Variants in SETD6 observed in about 807,000 individuals in gnomAD.
SETD6 encodes the protein N-lysine methyltransferase SETD6.
Under a neutral mutation model 52.7 loss-of-function variants are expected in SETD6, and 67 were observed. The observed-to-expected ratio is 1.27, with a 90% CI of 1.04 to 1.56. The LOEUF (loss-of-function observed/expected upper bound fraction) is 1.56, where lower values mean the gene tolerates loss of function less well. Among genes scored for constraint, SETD6 ranks in the 40% most tolerant of loss-of-function variants. The pLI is 0.00. For synonymous variants in SETD6, 307 were observed against 250.2 expected, an observed-to-expected ratio of 1.23 and a Z score of -2.14; for missense variants, 712 against 607.5, an observed-to-expected ratio of 1.17 and a Z score of -1.81.
chr16:58,516,711 T>C, intron 4 of SETD6, 39 bp downstream of exon 4: 1 of 1,609,636 alleles, frequency 6.2e-7, no homozygotes, highest in Non-Finnish European at 8.5e-7. Flanking sequence ...ACCCTTTTCT[T>C]TACAACTCTA....
chr16:58,521,971 T>C lies in SETD6; in HGVS notation c.*2942T>C, dbSNP rs944558073. On this transcript the variant is annotated 3_prime_UTR_variant, in exon 8 of 8. Coordinates refer to ENST00000219315, the MANE Select transcript of SETD6 (RefSeq NM_001160305.4). Reference sequence around the variant, plus strand: ...GTCTCAAATAAACAGATAAATTAAATAAATAAATAAGCTCACTCTCAATAA... The same window carrying C: ...GTCTCAAATAAACAGATAAATTAAACAAATAAATAAGCTCACTCTCAATAA... Among the ~76,000 whole-genome samples the C allele has an allele frequency of 6.6e-6, 1 of 151,334 alleles. No individual in the cohort carries two copies. Among genetic ancestry groups the C allele is most frequent in the Non-Finnish European group, 1.5e-5 (1 of 67,920 alleles).
In SETD6 at chr16:58,516,816, A is replaced by T; in HGVS notation, c.680A>T (p.Glu227Val). Residue 227 changes from glutamate (E) to valine (V), a missense_variant, in exon 5 of 8, where the codon GAA becomes GTA. By Grantham distance (121) the Glu-to-Val change is moderately radical. Transcript: ENST00000219315. ...VALVMAYSFQ[E>V]PLEEEEDEKE... ...GGTTCTGTCAATGGCAGCTTTCAGG[A>T]ACCACTGGAGGAAGAAGAGGATGAA... 1 of 1,614,194 alleles carries T rather than the reference A, an allele frequency of 6.2e-7. No individual in the cohort carries two copies. The highest frequency in any genetic ancestry group is 1.1e-5 in the South Asian group (1 of 91,082).
At chr16:58,518,029 C>T in intron 5 of SETD6, 22 bp from the exon 6 acceptor site, 2 of 1,614,090 alleles carry the variant, frequency 1.2e-6, no homozygotes, top group Non-Finnish European at 8.5e-7. Flanking sequence ...GGCATGGCCC[C>T]AGCTTCTCCC....
In SETD6 at chr16:58,515,542, C is replaced by T. The variant is rs1221464056; in HGVS notation, c.5C>T (p.Ala2Val). MATQAKRPRVAG... is the reference protein window; with the variant it reads MVTQAKRPRVAG... ...GAGGAAACGCGCTCTTAGACCATGGCGACCCAGGCGAAGCGTCCACGGGTG... is the reference window on the plus strand; with the variant it reads ...GAGGAAACGCGCTCTTAGACCATGGTGACCCAGGCGAAGCGTCCACGGGTG... Residue 2 changes from alanine (A) to valine (V), a missense_variant, in exon 1 of 8, where the codon GCG becomes GTG. Ala to Val is a moderately conservative substitution (Grantham distance 64). Coordinates refer to ENST00000219315, the MANE Select transcript of SETD6 (RefSeq NM_001160305.4). The T allele has an allele frequency of 4.4e-6, 7 of 1,587,730 alleles. No homozygotes were observed. The highest frequency in any genetic ancestry group is 1.7e-5 in the Admixed American group (1 of 58,090).
At chr16:58,515,734 C>T in intron 1 of SETD6, 57 bp from the exon 2 acceptor site, 3 of 1,418,940 alleles carry the variant, frequency 2.1e-6, no homozygotes, top group South Asian at 1.5e-5. Context: ...CGGTCTCCTG[C>T]AGTTCCCAGC....
Position 58,516,311 on chromosome 16 carries a change from C to T in SETD6, c.444C>T (p.Pro148=), listed in dbSNP as rs764124210. The part of the protein sequence containing the change: ...SRWRPYFALW[P]ELGRLEHPMF... ...GGAGGCCCTACTTTGCGCTCTGGCC[C>T]GAGCTGGGCCGCTTGGAGCACCCGA... The change falls in exon 3 of 8, where the codon CCC becomes CCT. Residue 148 remains proline (P), a synonymous_variant. Coordinates refer to ENST00000219315, the MANE Select transcript of SETD6 (RefSeq NM_001160305.4). The T allele has an allele frequency of 1.5e-5, 24 of 1,607,076 alleles. No homozygotes were observed. The highest frequency in any genetic ancestry group is 2.0e-5 in the Non-Finnish European group (24 of 1,179,874).
chr16:58,518,437 A>C lies in SETD6; in HGVS notation c.1010A>C (p.Glu337Ala), dbSNP rs1430761655. Residue 337 changes from glutamate to alanine, a missense_variant, in exon 7 of 8, where the codon GAG (glutamate) becomes GCG (alanine). Transcript: ENST00000219315. ...GAAGCTGAAAGGCACCTAGTGTACGAGCGCTGGGATTTCCTATGCAAACTG... is the reference window on the plus strand; with the variant it reads ...GAAGCTGAAAGGCACCTAGTGTACGCGCGCTGGGATTTCCTATGCAAACTG... ...KTEAERHLVY[E>A]RWDFLCKLEM... 1 of 1,586,090 alleles carries C rather than the reference A, an allele frequency of 6.3e-7. No individual in the cohort carries two copies. Among genetic ancestry groups the C allele is most frequent in the Non-Finnish European group, 8.5e-7 (1 of 1,173,056 alleles).
rs1233455241 is a variant in SETD6, at chr16:58,515,524, C to T, written c.-14C>T. Reference sequence around the variant, plus strand: ...CGCGGTGCGCCGGCCCGCGAGGAAACGCGCTCTTAGACCATGGCGACCCAG... The same window carrying T: ...CGCGGTGCGCCGGCCCGCGAGGAAATGCGCTCTTAGACCATGGCGACCCAG... On this transcript the variant is annotated 5_prime_UTR_variant, in exon 1 of 8. It adds an upstream start codon to the 5' untranslated region. Coordinates refer to ENST00000219315, the MANE Select transcript of SETD6 (RefSeq NM_001160305.4). 1.3e-6 allele frequency: 2 copies of T among 1,582,626 alleles called. No individual in the cohort carries two copies. The highest frequency in any genetic ancestry group is 2.8e-5 in the African/African-American group (2 of 72,726).
In SETD6 at chr16:58,522,530, T is replaced by TTTAAG. The variant is rs1332252786; in HGVS notation, c.*3502_*3506dup. 6.6e-6 allele frequency among the ~76,000 whole-genome samples: 1 copy of TTTAAG among 151,508 alleles called. No individual in the cohort carries two copies. The highest frequency in any genetic ancestry group is 2.4e-5 in the African/African-American group (1 of 41,034). On this transcript the variant is annotated 3_prime_UTR_variant, in exon 8 of 8. Coordinates refer to ENST00000219315, the MANE Select transcript of SETD6 (RefSeq NM_001160305.4). ...TGACTAATTAGGCAAATGAGCAAGT[T>TTTAAG]TTAAGAGTCTGGCCCAATTTTTAAA... is the stretch of plus-strand genomic sequence containing the variant.
rs891468939 is a variant in SETD6 at position 58,519,267 on chromosome 16, G to C, written c.*238G>C. On this transcript the variant is annotated 3_prime_UTR_variant, in exon 8 of 8. Coordinates refer to ENST00000219315, the MANE Select transcript of SETD6 (RefSeq NM_001160305.4). The stretch of plus-strand genomic sequence containing the variant: ...ACTTAAAGCATGTTACAGATGTTTT[G>C]TTCTCAGTTTTAACCAAAGCCAGTG... 4.0e-5 allele frequency: 19 copies of C among 475,732 alleles called. No individual in the cohort carries two copies. Among genetic ancestry groups the C allele is most frequent in the Non-Finnish European group, 7.1e-5 (19 of 268,294 alleles). 29.5% of individuals were successfully genotyped at this position (475,732 alleles called of 1,614,324 possible).
rs200320572 is a variant in SETD6 at position 58,518,410 on chromosome 16, CTG to C, written c.984_985del (p.Glu329SerfsTer2). The C allele has an allele frequency of 8.5e-5, 135 of 1,580,782 alleles. No homozygotes were observed. The East Asian group carries it at 2.3e-3, about 27-fold the overall frequency. On this transcript the variant is annotated frameshift_variant, in exon 7 of 8. Transcript: ENST00000219315. LOFTEE classifies it high-confidence loss of function. ...GCTGTTTCATCTACAGGAACAAAAA[CTG>C]AAGCTGAAAGGCACCTAGTGTACGA...
Position 58,523,214 on chromosome 16 carries a change from C to T in SETD6, c.*4185C>T. 1 of 675,474 alleles carries T rather than the reference C, an allele frequency of 1.5e-6. No homozygotes were observed. Among genetic ancestry groups the T allele is most frequent in the Non-Finnish European group, 2.3e-6 (1 of 439,812 alleles). 41.8% of individuals were successfully genotyped at this position (675,474 alleles called of 1,614,324 possible). Reference sequence around the variant, plus strand: ...GAGCCAAGATGGCGCCACTGTACTGCAGACTGAGTGACAGAGCAACACTCC... The same window carrying T: ...GAGCCAAGATGGCGCCACTGTACTGTAGACTGAGTGACAGAGCAACACTCC... On this transcript the variant is annotated 3_prime_UTR_variant, in exon 8 of 8. Transcript: ENST00000219315.
chr16:58,518,919 C>G lies in SETD6; in HGVS notation c.1312C>G (p.Leu438Val), dbSNP rs147924580. 564 of 1,614,174 alleles carry G rather than the reference C, an allele frequency of 3.5e-4. 8 individuals are homozygous for G. In the African/African-American group the frequency reaches 6.8e-3, roughly 20 times the overall value. The part of the protein sequence containing the change: ...ATDLKTDQGL[L>V]SNKEVYAKLS... ...AGACTTAAAAACTGACCAAGGTTTA[C>G]TCAGTAATAAGGAAGTCTATGCGAA... Residue 438 changes from leucine (L) to valine (V), a missense_variant, in exon 8 of 8, where the codon CTC (leucine) becomes GTC (valine). Coordinates refer to ENST00000219315, the MANE Select transcript of SETD6 (RefSeq NM_001160305.4).
intron 2 of SETD6, 52 bp from the exon 3 acceptor site, chr16:58,516,150 G>C (rs1597375173): frequency 1.6e-6 from 2 of 1,282,224 alleles, no homozygotes; most frequent in African/African-American, 1.6e-5. Flanking sequence ...GGGGCGGGGC[G>C]GGCCCGGCCC....
At position 58,520,734 on chromosome 16, in the gene SETD6, T is replaced by G; in HGVS notation, c.*1705T>G. 1 of 564,148 alleles carries G rather than the reference T, an allele frequency of 1.8e-6. No homozygotes were observed. Among genetic ancestry groups the G allele is most frequent in the Non-Finnish European group, 3.2e-6 (1 of 315,300 alleles). The allele number at this position is 564,148 out of a possible 1,614,324, so 34.9% of individuals were successfully genotyped here. On this transcript the variant is annotated 3_prime_UTR_variant, in exon 8 of 8. Transcript: ENST00000219315. The stretch of plus-strand genomic sequence containing the variant: ...TATTTACACAAGTTCAAAATGATAT[T>G]CACAGCATCTTCTAAATTTTGGCCA...
chr16:58,517,603 T>G (rs1344957240), intron 5 of SETD6: 2 of 196,264 alleles, frequency 1.0e-5, no homozygotes, highest in Non-Finnish European at 2.1e-5. Context: ...GCCTCCCGAG[T>G]AGTTGGAATT....
rs899436674 is a variant in SETD6, at chr16:58,520,555, G to A, written c.*1526G>A. On this transcript the variant is annotated 3_prime_UTR_variant, in exon 8 of 8. Coordinates refer to ENST00000219315, the MANE Select transcript of SETD6 (RefSeq NM_001160305.4). ...CAAACTGGCTTTTTGCTATTCTTTG[G>A]GACACCAGGAATGTCAGAAGACATG... 2 of 184,100 alleles carry A rather than the reference G, an allele frequency of 1.1e-5. No homozygotes were observed. The highest frequency in any genetic ancestry group is 2.3e-5 in the African/African-American group (1 of 42,648). The allele number at this position is 184,100 out of a possible 1,614,324, so 11.4% of individuals were successfully genotyped here. A position where few individuals can be genotyped will look rare whatever the true frequency, so the allele number is the denominator to read the frequency against.
rs1244081138 is a variant in SETD6 at position 58,520,111 on chromosome 16, T to G, written c.*1082T>G. 2 of 152,208 alleles carry G rather than the reference T, an allele frequency of 1.3e-5. No homozygotes were observed. Among genetic ancestry groups the G allele is most frequent in the African/African-American group, 2.4e-5 (1 of 41,450 alleles). 9.4% of individuals were successfully genotyped at this position (152,208 alleles called of 1,614,324 possible). A position where few individuals can be genotyped will look rare whatever the true frequency, so the allele number is the denominator to read the frequency against. On this transcript the variant is annotated 3_prime_UTR_variant, in exon 8 of 8. Transcript: ENST00000219315. ...AGGGGCTGTATTGGTCCTTTCAACT[T>G]TGTCATTATTCAGCTTAGCCTGTAT...
intron 7 of SETD6, 62 bp downstream of exon 7, chr16:58,518,605 G>T: frequency 6.3e-7 from 1 of 1,580,612 alleles, no homozygotes; most frequent in Non-Finnish European, 8.5e-7. Context: ...AAAATAGCTA[G>T]AAGATGAGAG....
Sources: gnomAD v4.1 joint callset for allele counts (sites outside exome capture counted in the v4.1 genomes callset) on GRCh38, gnomAD v4.1.1 for gene constraint, MANE v1.5 for transcripts, NCBI Gene and HGNC (gene_info 2026-07-23, HGNC 2026-07-21) for gene names.